CSMD1: variants seen among roughly 807,000 people sequenced by gnomAD.
The protein encoded by CSMD1 is CUB and sushi domain-containing protein 1.
Under a neutral mutation model 417.5 loss-of-function variants are expected in CSMD1, and 213 were observed. That is an observed-to-expected ratio of 0.51 (90% confidence interval 0.46 to 0.57). CSMD1 has a LOEUF of 0.57. Ranked by LOEUF, CSMD1 falls within the 20% of genes least tolerant of loss-of-function variation. The pLI, the probability that CSMD1 is intolerant of heterozygous loss-of-function variation, is 0.00. For synonymous variants in CSMD1, 2,862 were observed against 1,736.8 expected (o/e 1.65, Z -16.11); for missense variants, 6,923 against 4,529.7 (o/e 1.53, Z -15.17).
chr8:3,502,669 G>A (rs990170269), intron 10 of CSMD1, among the ~76,000 whole-genome samples: 1 of 152,170 alleles, frequency 6.6e-6, no homozygotes, highest in African/African-American at 2.4e-5. Context: ...GCAGAACTAT[G>A]GAGACAGTAA....
At chr8:3,832,670 C>A (rs995677829) in intron 5 of CSMD1, among the ~76,000 whole-genome samples, 1 of 152,100 alleles carries the variant, frequency 6.6e-6, no homozygotes, top group Non-Finnish European at 1.5e-5. Context: ...GATTCAAGGA[C>A]CGTGGACACT....
chr8:3,630,679 G>C (rs912470760), intron 7 of CSMD1, among the ~76,000 whole-genome samples: 3 of 151,920 alleles, frequency 2.0e-5, no homozygotes, highest in African/African-American at 7.3e-5. Context: ...AAAAATGTGA[G>C]AGAAATGTGT....
At chr8:4,135,935 G>A (rs1056332605) in intron 3 of CSMD1, among the ~76,000 whole-genome samples, 3 of 151,982 alleles carry the variant, frequency 2.0e-5, no homozygotes, top group African/African-American at 7.3e-5. Context: ...CCCTGGATTG[G>A]GCTTTCTAAA....
chr8:4,471,293 A>C (rs1021541136), intron 2 of CSMD1, among the ~76,000 whole-genome samples: 1 of 152,200 alleles, frequency 6.6e-6, no homozygotes, highest in Non-Finnish European at 1.5e-5. Flanking sequence ...CAACAAAGTC[A>C]AACAGGTTGG....
chr8:3,032,736 C>G (rs889024322), intron 50 of CSMD1, among the ~76,000 whole-genome samples: 2 of 152,028 alleles, frequency 1.3e-5, no homozygotes, highest in East Asian at 3.8e-4. Context: ...ACCCCCCCAA[C>G]TCCCTATGTT....
chr8:4,319,606 G>C (rs1799148451), intron 3 of CSMD1, among the ~76,000 whole-genome samples: 1 of 152,136 alleles, frequency 6.6e-6, no homozygotes, highest in Non-Finnish European at 1.5e-5. Flanking sequence ...GGTGATTCCT[G>C]AGAGAAGAAA....
intron 3 of CSMD1, among the ~76,000 whole-genome samples, chr8:4,396,896 G>A (rs955338781): frequency 2.0e-5 from 3 of 152,096 alleles, no homozygotes; most frequent in African/African-American, 4.8e-5. Context: ...GTGGGAGGCA[G>A]ATGGGAAACA....
At chr8:3,609,530 G>A (rs945895758) in intron 8 of CSMD1, among the ~76,000 whole-genome samples, 4 of 151,890 alleles carry the variant, frequency 2.6e-5, no homozygotes, top group African/African-American at 9.7e-5. Flanking sequence ...TACGGAAAAG[G>A]GATTTCTCAA....
intron 3 of CSMD1, among the ~76,000 whole-genome samples, chr8:4,154,516 C>T (rs189999975): frequency 1.8e-4 from 28 of 152,196 alleles, no homozygotes; most frequent in African/African-American, 6.7e-4. Flanking sequence ...AGACAAGAGC[C>T]ACTGTGGAGA....
intron 1 of CSMD1, among the ~76,000 whole-genome samples, chr8:4,662,290 T>A (rs1392315791): frequency 6.6e-6 from 1 of 151,630 alleles, no homozygotes; most frequent in African/African-American, 2.4e-5. Context: ...ATAAGAGGTT[T>A]CTAAAAGTAA....
At chr8:4,442,566 T>G (rs1563178185) in intron 2 of CSMD1, among the ~76,000 whole-genome samples, 3 of 152,220 alleles carry the variant, frequency 2.0e-5, no homozygotes. Flanking sequence ...AAAGAGATTT[T>G]ATCTTGTTTC....
rs1314991618 is a variant in CSMD1 at position 3,783,083 on chromosome 8, T to C, written c.819-29041A>G. On this transcript the variant is annotated intron_variant, in intron 5 of 69. Coordinates refer to ENST00000635120, the MANE Select transcript of CSMD1 (RefSeq NM_033225.6). Reference sequence around the variant, plus strand: ...TTGAAAGCAAGTCCCCATCTCCCCATCCCGTAACCCCCAGCCTCCACCATC... The same window carrying C: ...TTGAAAGCAAGTCCCCATCTCCCCACCCCGTAACCCCCAGCCTCCACCATC... Among the ~76,000 whole-genome samples, 6 of 152,194 alleles carry C rather than the reference T, an allele frequency of 3.9e-5. No homozygotes were observed. In the East Asian group the frequency reaches 1.2e-3, roughly 29 times the overall value.
chr8:3,079,959 A>G lies in CSMD1; in HGVS notation c.7474+7138T>C, dbSNP rs143311055. Among the ~76,000 whole-genome samples, 123 of 152,348 alleles carry G rather than the reference A, an allele frequency of 8.1e-4. 2 individuals are homozygous for G. The highest frequency in any genetic ancestry group is 2.9e-3 in the African/African-American group (119 of 41,570). ...TGGCCATGCTATGTAGAAGCAGAAT[A>G]TAGGCAGCTATCTCTATCTAAAAGG... On this transcript the variant is annotated intron_variant, in intron 49 of 69. Coordinates refer to ENST00000635120, the MANE Select transcript of CSMD1 (RefSeq NM_033225.6).
At chr8:4,846,229 A>G (rs60339150) in intron 1 of CSMD1, among the ~76,000 whole-genome samples, 12,673 of 152,250 alleles carry the variant, frequency 0.083, 778 homozygotes, top group African/African-American at 0.17. Flanking sequence ...TGACCTGTAC[A>G]AAAAATATAG....
At chr8:3,309,412 C>T (rs765191117) in intron 23 of CSMD1, among the ~76,000 whole-genome samples, 3 of 142,518 alleles carry the variant, frequency 2.1e-5, no homozygotes, top group Non-Finnish European at 3.1e-5. Flanking sequence ...CACACAACAA[C>T]AGAAACTCCA....
chr8:4,162,199 T>C (rs7841880), intron 3 of CSMD1, among the ~76,000 whole-genome samples: 118,147 of 151,628 alleles, frequency 0.78, 46,159 homozygotes, highest in South Asian at 0.87. Flanking sequence ...TCCAAAATTA[T>C]ATGCATGTCT....
intron 2 of CSMD1, among the ~76,000 whole-genome samples, chr8:4,461,664 C>A (rs1346493004): frequency 6.6e-6 from 1 of 151,788 alleles, no homozygotes; most frequent in Non-Finnish European, 1.5e-5. Flanking sequence ...AATCCTCCCA[C>A]CTCAGCCTGC....
chr8:4,182,918 T>C (rs1193455471), intron 3 of CSMD1, among the ~76,000 whole-genome samples: 1 of 152,032 alleles, frequency 6.6e-6, no homozygotes, highest in Non-Finnish European at 1.5e-5. Flanking sequence ...TTGAAGACGG[T>C]GGATAGAATC....
At chr8:4,649,653 C>T (rs1803758346) in intron 1 of CSMD1, among the ~76,000 whole-genome samples, 1 of 152,282 alleles carries the variant, frequency 6.6e-6, no homozygotes, top group Non-Finnish European at 1.5e-5. Context: ...CTCTTCTACT[C>T]CTCTTTATAA....
Sources: allele counts gnomAD v4.1 joint callset (sites outside exome capture counted in the v4.1 genomes callset), GRCh38; gene constraint gnomAD v4.1.1; transcripts MANE v1.5; gene names NCBI Gene and HGNC (gene_info 2026-07-23, HGNC 2026-07-21).